Variants in SORCS1 observed in about 807,000 individuals in gnomAD.
SORCS1 encodes the protein VPS10 domain-containing receptor SorCS1.
A neutral mutation model predicts 146.1 loss-of-function variants in SORCS1; 60 were observed. The ratio of observed to expected loss-of-function variants is 0.41; its 90% CI spans 0.33 to 0.51. SORCS1 has a LOEUF of 0.51. Among genes scored for constraint, SORCS1 ranks in the 20% least tolerant of loss-of-function variants. The pLI is 0.21. For synonymous variants in SORCS1, 637 were observed against 584.0 expected (o/e 1.09, Z -1.31); for missense variants, 1,352 against 1,487.6 (o/e 0.91, Z 1.50).
chr10:106,967,979 C>T (rs1214171957), intron 1 of SORCS1, among the ~76,000 whole-genome samples: 24 of 149,528 alleles, frequency 1.6e-4, no homozygotes, highest in African/African-American at 4.7e-4. Flanking sequence ...CCGAGGCAGG[C>T]GGATCATGAG....
chr10:106,924,461 TTATCGATCTATCTATC>T (rs1190227345), intron 2 of SORCS1, among the ~76,000 whole-genome samples: 104 of 125,698 alleles, frequency 8.3e-4, no homozygotes, highest in Non-Finnish European at 1.1e-3. Context: ...AATTCCACAG[TTATCGATCTATCTATC>T]TATCTATCTA....
intron 2 of SORCS1, among the ~76,000 whole-genome samples, chr10:106,869,186 G>C (rs1950321091): frequency 6.6e-6 from 1 of 152,082 alleles, no homozygotes; most frequent in Non-Finnish European, 1.5e-5. Context: ...CTCTGATATT[G>C]AATCAGCAAT....
intron 2 of SORCS1, among the ~76,000 whole-genome samples, chr10:106,946,811 C>G (rs1348819083): frequency 1.3e-5 from 2 of 152,164 alleles, no homozygotes; most frequent in Non-Finnish European, 2.9e-5. Context: ...AGGACAGGAA[C>G]AATTATTTAC....
chr10:106,749,065 T>C (rs1857955685), intron 5 of SORCS1, among the ~76,000 whole-genome samples: 1 of 152,196 alleles, frequency 6.6e-6, no homozygotes, highest in Non-Finnish European at 1.5e-5. Flanking sequence ...TTATACATGG[T>C]TTCAAAATAC....
chr10:106,977,294 G>A (rs942459885), intron 1 of SORCS1, among the ~76,000 whole-genome samples: 3 of 152,214 alleles, frequency 2.0e-5, no homozygotes, highest in African/African-American at 7.2e-5. Flanking sequence ...GATCCATGAT[G>A]ATGAGCTTTT....
At chr10:107,133,086 C>T (rs1047122095) in intron 1 of SORCS1, among the ~76,000 whole-genome samples, 1 of 152,154 alleles carries the variant, frequency 6.6e-6, no homozygotes, top group African/African-American at 2.4e-5. Context: ...TTCATATTCA[C>T]AGAGTCTGAC....
intron 2 of SORCS1, among the ~76,000 whole-genome samples, chr10:106,879,728 G>A (rs1487318140): frequency 6.6e-6 from 1 of 152,230 alleles, no homozygotes; most frequent in Non-Finnish European, 1.5e-5. Flanking sequence ...TGGGTGGTGT[G>A]AAGGAGCAGA....
chr10:106,878,649 T>TATACATGTATATATA (rs1491300730), intron 2 of SORCS1, among the ~76,000 whole-genome samples: 1 of 137,862 alleles, frequency 7.3e-6, no homozygotes, highest in African/African-American at 2.7e-5. Flanking sequence ...TATATATATA[T>TATACATGTATATATA]TTTATAGCAG....
rs958091207 is a variant in SORCS1 at position 106,693,533 on chromosome 10, A to G, written c.1414-5195T>C. On this transcript the variant is annotated intron_variant, in intron 9 of 25. Coordinates refer to ENST00000263054, the MANE Select transcript of SORCS1 (RefSeq NM_052918.5). ...TACATTTACTCTAGCCATTCAATAA[A>G]TATTTTCTGAGCATCTACTACGTAT... 3.3e-5 allele frequency among the ~76,000 whole-genome samples: 5 copies of G among 152,356 alleles called. No individual in the cohort carries two copies. In the East Asian group the frequency reaches 9.6e-4, roughly 29 times the overall value.
intron 5 of SORCS1, among the ~76,000 whole-genome samples, chr10:106,760,467 A>G (rs1334311893): frequency 1.4e-5 from 2 of 145,990 alleles, no homozygotes; most frequent in East Asian, 2.1e-4. Flanking sequence ...AAAAAAAAAG[A>G]GGAAGAGAGA....
At chr10:107,045,425 CA>C (rs1239453411) in intron 1 of SORCS1, among the ~76,000 whole-genome samples, 3 of 152,074 alleles carry the variant, frequency 2.0e-5, no homozygotes, top group Non-Finnish European at 4.4e-5. Flanking sequence ...TGACCTTTCC[CA>C]ATGTTCCTAC....
At chr10:106,875,088 G>A (rs1005142363) in intron 2 of SORCS1, among the ~76,000 whole-genome samples, 4 of 152,088 alleles carry the variant, frequency 2.6e-5, no homozygotes, top group Admixed American at 6.5e-5. Flanking sequence ...TACCCAATAC[G>A]TAGTTTTTTA....
Position 106,674,328 on chromosome 10 carries a change from C to CAAAAAAAAAAAAAAAAAA in SORCS1, c.1940+703_1940+720dup, listed in dbSNP as rs10658432. Among the ~76,000 whole-genome samples the CAAAAAAAAAAAAAAAAAA allele has an allele frequency of 3.1e-3, 86 of 27,372 alleles. 22 individuals are homozygous for CAAAAAAAAAAAAAAAAAA. Among genetic ancestry groups the CAAAAAAAAAAAAAAAAAA allele is most frequent in the Non-Finnish European group, 4.0e-3 (73 of 18,436 alleles). The allele number at this position is 27,372 out of a possible 152,430, so 18.0% of individuals were successfully genotyped here. Reference sequence around the variant, plus strand: ...TGGGCGACAGAGTAAGACTCCGTCTCAAAAAAAAAAAAAAAAAAAAAAAAA... The same window carrying CAAAAAAAAAAAAAAAAAA: ...TGGGCGACAGAGTAAGACTCCGTCTCAAAAAAAAAAAAAAAAAAAAAAAAAAAAAAAAAAAAAAAAAAA... On this transcript the variant is annotated intron_variant, in intron 14 of 25. Transcript: ENST00000263054.
intron 5 of SORCS1, 65 bp downstream of exon 5, chr10:106,761,523 G>C: frequency 7.2e-7 from 1 of 1,382,554 alleles, no homozygotes; most frequent in South Asian, 1.2e-5. Context: ...ATTCCAATGG[G>C]CATTTACTAG....
intron 6 of SORCS1, among the ~76,000 whole-genome samples, chr10:106,712,605 T>A (rs1855081355): frequency 1.3e-5 from 2 of 151,774 alleles, no homozygotes; most frequent in African/African-American, 4.9e-5. Context: ...GTACTTTAGC[T>A]GTAAGAATTA....
chr10:106,610,505 G>C (rs534970738), intron 22 of SORCS1, among the ~76,000 whole-genome samples: 1 of 152,220 alleles, frequency 6.6e-6, no homozygotes, highest in East Asian at 1.9e-4. Flanking sequence ...TATTAACAAA[G>C]GTAATGAAGA....
At chr10:107,081,311 G>C (rs1241983566) in intron 1 of SORCS1, among the ~76,000 whole-genome samples, 2 of 152,160 alleles carry the variant, frequency 1.3e-5, no homozygotes, top group African/African-American at 2.4e-5. Context: ...TTATCTAATA[G>C]GAATCTGCCA....
chr10:106,618,808 AG>A (rs754096741), intron 20 of SORCS1, among the ~76,000 whole-genome samples: 8 of 152,164 alleles, frequency 5.3e-5, no homozygotes, highest in Non-Finnish European at 1.2e-4. Context: ...CGCTTTGAGA[AG>A]CCTCATCAGC....
chr10:106,825,358 G>C (rs745515233), intron 3 of SORCS1, among the ~76,000 whole-genome samples: 16 of 145,266 alleles, frequency 1.1e-4, no homozygotes, highest in Middle Eastern at 3.7e-3. Context: ...TGTAACGTCC[G>C]TCTCCCAGGT....
Sources: allele counts gnomAD v4.1 joint callset (sites outside exome capture counted in the v4.1 genomes callset), GRCh38; gene constraint gnomAD v4.1.1; transcripts MANE v1.5; gene names NCBI Gene and HGNC (gene_info 2026-07-23, HGNC 2026-07-21).